The following GSTCD variants were observed in gnomAD, a reference collection of about 807,000 sequenced individuals.
GSTCD encodes the protein glutathione S-transferase C-terminal domain-containing protein.
Under a neutral mutation model 68.3 loss-of-function variants are expected in GSTCD, and 44 were observed. That is an observed-to-expected ratio of 0.64 (90% confidence interval 0.51 to 0.83). GSTCD has a LOEUF of 0.83. GSTCD is among the 40% of genes least tolerant of loss of function. The pLI is 0.00. For synonymous variants in GSTCD, 273 were observed against 255.2 expected, an observed-to-expected ratio of 1.07 and a Z score of -0.67; for missense variants, 739 against 735.9, an observed-to-expected ratio of 1.00 and a Z score of -0.05.
chr4:105,844,936 C>A (rs1403608445), intron 11 of GSTCD, among the ~76,000 whole-genome samples: 1 of 152,140 alleles, frequency 6.6e-6, no homozygotes. Context: ...AAATAAAAGG[C>A]ATGTAATTGA....
chr4:105,754,915 A>T (rs1029635488), intron 5 of GSTCD, among the ~76,000 whole-genome samples: 1 of 151,924 alleles, frequency 6.6e-6, no homozygotes, highest in Non-Finnish European at 1.5e-5. Context: ...TATTACAGAA[A>T]ATGACTTAGA....
chr4:105,796,803 A>T (rs185767564), intron 5 of GSTCD, among the ~76,000 whole-genome samples: 1 of 152,348 alleles, frequency 6.6e-6, no homozygotes, highest in Admixed American at 6.5e-5. Context: ...ACAGATTTAT[A>T]CATCAGTAAT....
At chr4:105,727,783 G>A (rs1733092202) in intron 4 of GSTCD, among the ~76,000 whole-genome samples, 1 of 151,810 alleles carries the variant, frequency 6.6e-6, no homozygotes, top group African/African-American at 2.4e-5. Flanking sequence ...TCAACAATGG[G>A]CTTTCCTTTC....
chr4:105,837,209 T>C (rs527798850), intron 9 of GSTCD, among the ~76,000 whole-genome samples: 2 of 152,340 alleles, frequency 1.3e-5, no homozygotes, highest in Non-Finnish European at 2.9e-5. Context: ...ATACCTTGCA[T>C]AAGTAAACTC....
At chr4:105,752,031 A>G (rs1734026069) in intron 5 of GSTCD, among the ~76,000 whole-genome samples, 1 of 152,166 alleles carries the variant, frequency 6.6e-6, no homozygotes, top group Non-Finnish European at 1.5e-5. Flanking sequence ...AAAAATAAGC[A>G]CATGCCCTGT....
chr4:105,826,000 A>G (rs1039687852), intron 8 of GSTCD, 200 bp downstream of exon 8: 1 of 245,522 alleles, frequency 4.1e-6, no homozygotes, highest in African/African-American at 2.3e-5. Context: ...CAGAGATAAC[A>G]TTGGCTCCTC....
At chr4:105,752,896 G>T (rs140242446) in intron 5 of GSTCD, among the ~76,000 whole-genome samples, 1,792 of 152,042 alleles carry the variant, frequency 0.012, 40 homozygotes, top group African/African-American at 0.041. Context: ...ACCAGCCAAG[G>T]GTTCAATTCT....
intron 5 of GSTCD, among the ~76,000 whole-genome samples, chr4:105,799,119 C>T (rs1267748611): frequency 1.3e-5 from 2 of 152,124 alleles, no homozygotes; most frequent in South Asian, 4.1e-4. Context: ...TGCTAGGCTC[C>T]AATTTTTCTT....
intron 5 of GSTCD, among the ~76,000 whole-genome samples, chr4:105,795,391 A>C (rs1022469024): frequency 1.3e-5 from 2 of 151,174 alleles, no homozygotes; most frequent in Non-Finnish European, 3.0e-5. Flanking sequence ...AGTATTTATG[A>C]AGTATTTTTT....
intron 5 of GSTCD, among the ~76,000 whole-genome samples, chr4:105,748,627 T>C (rs1733894026): frequency 1.3e-5 from 2 of 152,114 alleles, no homozygotes; most frequent in South Asian, 4.1e-4. Context: ...ATAACAAGAT[T>C]GCCAAGAACA....
intron 5 of GSTCD, among the ~76,000 whole-genome samples, chr4:105,806,643 A>G (rs529827878): frequency 3.9e-5 from 6 of 152,228 alleles, no homozygotes; most frequent in South Asian, 2.1e-4. Flanking sequence ...TACCATCCGT[A>G]TACAGATTTT....
At chr4:105,826,257 C>G (rs1723600646) in intron 8 of GSTCD, 1 of 151,752 alleles carries the variant, frequency 6.6e-6, no homozygotes, top group Admixed American at 6.6e-5. Context: ...TTTCAGGTTC[C>G]AAGAGAGAAA....
At chr4:105,744,103 T>C (rs919436492) in intron 5 of GSTCD, among the ~76,000 whole-genome samples, 7 of 152,238 alleles carry the variant, frequency 4.6e-5, no homozygotes, top group African/African-American at 1.7e-4. Context: ...CCTTTGTCTT[T>C]CATAACATGG....
rs142543798 is a variant in GSTCD at position 105,722,072 on chromosome 4, A to G, written c.894+2545A>G. Among the ~76,000 whole-genome samples, 22 of 152,268 alleles carry G rather than the reference A, an allele frequency of 1.4e-4. No homozygotes were observed. In the East Asian group the frequency reaches 4.0e-3, roughly 28 times the overall value. ...ACATTATTGTACGCCTATAAGACAG[A>G]AAGTTGCATTTTATCATTTTATAAA... On this transcript the variant is annotated intron_variant, in intron 3 of 11. Transcript: ENST00000515279.
At chr4:105,838,657 T>A (rs1724216690) in intron 10 of GSTCD, among the ~76,000 whole-genome samples, 1 of 152,242 alleles carries the variant, frequency 6.6e-6, no homozygotes, top group Non-Finnish European at 1.5e-5. Context: ...CACAGAGAAT[T>A]GTCTTCCAAA....
chr4:105,729,426 G>C lies in GSTCD; in HGVS notation c.1167G>C (p.Met389Ile). 1 of 1,609,656 alleles carries C rather than the reference G, an allele frequency of 6.2e-7. No individual in the cohort carries two copies. The highest frequency in any genetic ancestry group is 8.5e-7 in the Non-Finnish European group (1 of 1,177,186). Residue 389 changes from methionine (M) to isoleucine (I), a missense_variant, in exon 5 of 12, where the codon ATG (methionine) becomes ATC (isoleucine). Met to Ile is a conservative substitution (Grantham distance 10). Coordinates refer to ENST00000515279, the MANE Select transcript of GSTCD (RefSeq NM_001370181.1). ...TCTAGGAAAAGGGCATTGAAGTGAT[G>C]TTTTCTCCCCACCCTTGCCCTACTT... is the stretch of plus-strand genomic sequence containing the variant. ...AKLMEKGIEV[M>I]FSPHPCPTWT... is the part of the protein sequence containing the mutation.
Position 105,782,371 on chromosome 4 carries a change from C to T in GSTCD, c.1241-40583C>T, listed in dbSNP as rs138935930. On this transcript the variant is annotated intron_variant, in intron 5 of 11. Coordinates refer to ENST00000515279, the MANE Select transcript of GSTCD (RefSeq NM_001370181.1). ...AAATTAGCCAAGCATGGTGTGCGCA[C>T]CTCCCAGCTATGTGACAGGCTGAGG... 4.6e-5 allele frequency among the ~76,000 whole-genome samples: 7 copies of T among 152,012 alleles called. No individual in the cohort carries two copies. The East Asian group carries it at 1.4e-3, about 29-fold the overall frequency.
At chr4:105,729,207 T>C (rs1733144962) in intron 4 of GSTCD, among the ~76,000 whole-genome samples, 199 bp from the exon 5 acceptor site, 1 of 152,142 alleles carries the variant, frequency 6.6e-6, no homozygotes. Flanking sequence ...TATTAAAAAA[T>C]AGGAAAGTAA....
At chr4:105,756,898 C>G (rs1351197316) in intron 5 of GSTCD, among the ~76,000 whole-genome samples, 1 of 152,146 alleles carries the variant, frequency 6.6e-6, no homozygotes, top group African/African-American at 2.4e-5. Context: ...GTTGAGAACT[C>G]TAGATCTACA....
Sources: gnomAD v4.1 joint callset for allele counts (sites outside exome capture counted in the v4.1 genomes callset) on GRCh38, gnomAD v4.1.1 for gene constraint, MANE v1.5 for transcripts, NCBI Gene and HGNC (gene_info 2026-07-23, HGNC 2026-07-21) for gene names.